Variants in RPS6KA5 observed in about 807,000 individuals in gnomAD.
RPS6KA5 encodes the protein ribosomal protein S6 kinase A5.
A neutral mutation model predicts 85.5 loss-of-function variants in RPS6KA5; 27 were observed. The observed-to-expected ratio is 0.32, with a 90% confidence interval of 0.23 to 0.44. RPS6KA5 has a LOEUF of 0.44. Ranked by LOEUF, RPS6KA5 falls within the 20% of genes least tolerant of loss-of-function variation. The pLI is 1.00. For missense variants in RPS6KA5, 811 were observed against 980.9 expected (o/e 0.83, Z 2.31); for synonymous variants, 334 against 348.2 (o/e 0.96, Z 0.46).
intron 3 of RPS6KA5, among the ~76,000 whole-genome samples, chr14:90,957,090 A>T (rs1273226831): frequency 1.3e-5 from 2 of 150,496 alleles, no homozygotes; most frequent in South Asian, 4.2e-4. Context: ...TTTGAGACAG[A>T]GTCTCACTCT....
At chr14:90,924,699 C>T (rs903655031) in intron 5 of RPS6KA5, among the ~76,000 whole-genome samples, 2 of 152,126 alleles carry the variant, frequency 1.3e-5, no homozygotes, top group East Asian at 3.9e-4. Flanking sequence ...GTACAACATA[C>T]TAGCAGATAA....
At chr14:91,052,827 C>A in intron 1 of RPS6KA5, among the ~76,000 whole-genome samples, 2 of 88,530 alleles carry the variant, frequency 2.3e-5, no homozygotes. Context: ...AGCGAGACTC[C>A]ATCTCCAAAA....
intron 14 of RPS6KA5, among the ~76,000 whole-genome samples, chr14:90,889,854 A>AATT (rs2034456397): frequency 6.6e-6 from 1 of 152,222 alleles, no homozygotes; most frequent in Non-Finnish European, 1.5e-5. Flanking sequence ...GAATATGAGT[A>AATT]ATTTTCACCT....
chr14:91,044,952 T>C (rs1384584859), intron 1 of RPS6KA5, among the ~76,000 whole-genome samples: 1 of 151,220 alleles, frequency 6.6e-6, no homozygotes, highest in East Asian at 1.9e-4. Context: ...GCAAGGAAAC[T>C]GGAACCTTGG....
intron 3 of RPS6KA5, among the ~76,000 whole-genome samples, chr14:90,969,911 C>T (rs7153641): frequency 0.47 from 71,234 of 151,458 alleles, 17,220 homozygotes; most frequent in East Asian, 0.55. Context: ...TTTTTTCCTA[C>T]AAATTTTCCT....
chr14:91,035,341 G>A lies in RPS6KA5; in HGVS notation c.103+24991C>T, dbSNP rs927444991. On this transcript the variant is annotated intron_variant, in intron 1 of 16. Transcript: ENST00000614987. ...TAGACCAAATTCCAACAGAGCTGCT[G>A]CTACAGCAAGACTAAGGAAGGGAGG... Among the ~76,000 whole-genome samples the A allele has an allele frequency of 2.0e-5, 3 of 152,142 alleles. No individual in the cohort carries two copies. The South Asian group carries it at 6.2e-4, about 31-fold the overall frequency.
chr14:91,020,534 C>CTGTGTGTGTGTGTGTGTGTGTGTGTGTG (rs34407471), intron 1 of RPS6KA5, among the ~76,000 whole-genome samples: 1 of 109,998 alleles, frequency 9.1e-6, no homozygotes, highest in African/African-American at 3.9e-5. Flanking sequence ...TAAGGAATGA[C>CTGTGTGTGTGTGTGTGTGTGTGTGTGTG]TGTGTGTGTG....
intron 15 of RPS6KA5, among the ~76,000 whole-genome samples, chr14:90,874,218 TC>T (rs1232936095): frequency 6.6e-6 from 1 of 152,068 alleles, no homozygotes; most frequent in African/African-American, 2.4e-5. Context: ...GCTATTAATA[TC>T]AGAAGACACA....
chr14:91,001,059 T>G, intron 2 of RPS6KA5, 29 bp downstream of exon 2: 1 of 1,281,964 alleles, frequency 7.8e-7, no homozygotes, highest in Non-Finnish European at 1.1e-6. Flanking sequence ...CTTTTTTTTT[T>G]CCTTAAATAT....
In RPS6KA5 at chr14:90,870,067, T is replaced by A. The variant is rs1458387183; in HGVS notation, c.*2007A>T. The A allele has an allele frequency of 1.3e-5, 2 of 152,244 alleles. No individual in the cohort carries two copies. The highest frequency in any genetic ancestry group is 4.8e-5 in the African/African-American group (2 of 41,474). The allele number at this position is 152,244 out of a possible 1,614,324, so 9.4% of individuals were successfully genotyped here. ...AATGAAATCAATCACATCATCAATCTGTATACTGTCTGACCATTTTTCTGG... is the reference window on the plus strand; with the variant it reads ...AATGAAATCAATCACATCATCAATCAGTATACTGTCTGACCATTTTTCTGG... On this transcript the variant is annotated 3_prime_UTR_variant, in exon 17 of 17. Coordinates refer to ENST00000614987, the MANE Select transcript of RPS6KA5 (RefSeq NM_004755.4).
At chr14:90,982,211 C>G (rs762479831) in intron 2 of RPS6KA5, among the ~76,000 whole-genome samples, 2 of 151,720 alleles carry the variant, frequency 1.3e-5, no homozygotes. Flanking sequence ...TGTGCCCTGA[C>G]ATTATTAGAG....
intron 6 of RPS6KA5, among the ~76,000 whole-genome samples, chr14:90,922,412 T>A (rs1407959849): frequency 2.0e-5 from 3 of 152,202 alleles, no homozygotes. Context: ...TGTGGTTCAC[T>A]TGTATCCTAA....
Position 90,848,064 on chromosome 14 carries a change from ACAGCT to A in RPS6KA5, c.*24005_*24009del, listed in dbSNP as rs903206863. The A allele has an allele frequency of 5.3e-5, 8 of 152,226 alleles. No individual in the cohort carries two copies. Among genetic ancestry groups the A allele is most frequent in the African/African-American group, 1.9e-4 (8 of 41,450 alleles). 9.4% of individuals were successfully genotyped at this position (152,226 alleles called of 1,614,324 possible). On this transcript the variant is annotated 3_prime_UTR_variant, in exon 17 of 17. Transcript: ENST00000614987. The stretch of plus-strand genomic sequence containing the variant: ...TTTTTGATTCATGTGTGTTTTCAAC[ACAGCT>A]CAACAACTCATTCCGATCTACCCAA...
chr14:90,944,582 C>T (rs1461084147), intron 4 of RPS6KA5, among the ~76,000 whole-genome samples: 1 of 152,120 alleles, frequency 6.6e-6, no homozygotes, highest in African/African-American at 2.4e-5. Flanking sequence ...ATGGAGAAAC[C>T]CCGACTCTAC....
Position 90,894,569 on chromosome 14 carries a change from T to C in RPS6KA5, c.1488A>G (p.Leu496=). The C allele has an allele frequency of 6.2e-7, 1 of 1,614,036 alleles. No homozygotes were observed. Among genetic ancestry groups the C allele is most frequent in the Non-Finnish European group, 8.5e-7 (1 of 1,179,934 alleles). Residue 496 remains leucine, a synonymous_variant, in exon 13 of 17, where the codon CTA becomes CTG. Coordinates refer to ENST00000614987, the MANE Select transcript of RPS6KA5 (RefSeq NM_004755.4). ...EVFHDQLHTF[L]VMELLNGGEL... ...CTCCTCCATTCAGAAGTTCCATCAC[T>C]AGAAACGTGTGAAGCTAGAAAAGAG...
At chr14:90,973,489 T>C (rs1487352777) in intron 3 of RPS6KA5, among the ~76,000 whole-genome samples, 2 of 151,098 alleles carry the variant, frequency 1.3e-5, no homozygotes, top group Admixed American at 6.6e-5. Context: ...CCCAGCAATC[T>C]CCCTTCATCA....
chr14:91,028,265 T>G (rs2042057552), intron 1 of RPS6KA5, among the ~76,000 whole-genome samples: 1 of 152,092 alleles, frequency 6.6e-6, no homozygotes, highest in East Asian at 1.9e-4. Flanking sequence ...AGTCTTGCAC[T>G]GGAGTGTAAA....
At chr14:91,009,325 A>T (rs528808435) in intron 1 of RPS6KA5, among the ~76,000 whole-genome samples, 1 of 152,354 alleles carries the variant, frequency 6.6e-6, no homozygotes, top group South Asian at 2.1e-4. Flanking sequence ...TCTATGAAGC[A>T]GAGAGCCCTC....
intron 1 of RPS6KA5, among the ~76,000 whole-genome samples, chr14:91,023,963 CTTT>C (rs1451861433): frequency 1.3e-5 from 2 of 152,140 alleles, no homozygotes; most frequent in Non-Finnish European, 2.9e-5. Flanking sequence ...CTCAAGTCTT[CTTT>C]TATTCTCAGA....
Sources: gnomAD v4.1 joint callset for allele counts (sites outside exome capture counted in the v4.1 genomes callset) on GRCh38, gnomAD v4.1.1 for gene constraint, MANE v1.5 for transcripts, NCBI Gene and HGNC (gene_info 2026-07-23, HGNC 2026-07-21) for gene names.